Variants in ACSS3 observed in about 807,000 individuals in gnomAD.
ACSS3 encodes the protein acyl-CoA synthetase short chain family member 3, also known as acyl-CoA synthetase short-chain family member 3, mitochondrial.
In ACSS3, 64 loss-of-function variants were observed where a neutral mutation model predicts 84.2. The ratio of observed to expected loss-of-function variants is 0.76; its 90% CI spans 0.62 to 0.94. ACSS3 has a LOEUF of 0.94. ACSS3 is among the 40% of genes least tolerant of loss of function. The pLI is 0.00. For synonymous variants in ACSS3, 317 were observed against 310.1 expected (o/e 1.02, Z -0.23); for missense variants, 815 against 867.6 (o/e 0.94, Z 0.76).
intron 9 of ACSS3, among the ~76,000 whole-genome samples, chr12:81,209,134 T>C (rs1882180): frequency 6.6e-6 from 1 of 151,754 alleles, no homozygotes; most frequent in Non-Finnish European, 1.5e-5. Flanking sequence ...ATCTTTATCA[T>C]GGGAGCCTAA....
At position 81,256,920 on chromosome 12, in the gene ACSS3, C is replaced by T. The variant is rs898982512; in HGVS notation, c.*1998C>T. 3 of 152,096 alleles carry T rather than the reference C, an allele frequency of 2.0e-5. No homozygotes were observed. The highest frequency in any genetic ancestry group is 1.5e-5 in the Non-Finnish European group (1 of 68,030). 9.4% of individuals were successfully genotyped at this position (152,096 alleles called of 1,614,324 possible). On this transcript the variant is annotated 3_prime_UTR_variant, in exon 16 of 16. Coordinates refer to ENST00000548058, the MANE Select transcript of ACSS3 (RefSeq NM_024560.4). ...CCTTGAGTTGCCTCTTTCATTGGTA[C>T]GTTTTATCCATTGTCACAACTGTGG...
intron 7 of ACSS3, among the ~76,000 whole-genome samples, chr12:81,170,097 A>G (rs2029923670): frequency 6.6e-6 from 1 of 152,152 alleles, no homozygotes; most frequent in Non-Finnish European, 1.5e-5. Flanking sequence ...AAGAAATGGA[A>G]TCATAGGATT....
intron 8 of ACSS3, among the ~76,000 whole-genome samples, chr12:81,192,337 G>A: frequency 6.6e-6 from 1 of 152,180 alleles, no homozygotes; most frequent in East Asian, 1.9e-4. Context: ...CCGAGACCGT[G>A]CTCTTGCACT....
intron 7 of ACSS3, among the ~76,000 whole-genome samples, chr12:81,169,149 G>A (rs926076701): frequency 9.2e-5 from 14 of 152,150 alleles, no homozygotes; most frequent in African/African-American, 3.4e-4. Context: ...TTAGATGGTG[G>A]TGTGAATAAG....
intron 8 of ACSS3, among the ~76,000 whole-genome samples, chr12:81,177,874 A>G (rs983306353): frequency 6.6e-6 from 1 of 152,198 alleles, no homozygotes; most frequent in African/African-American, 2.4e-5. Context: ...TGGGACTGTA[A>G]ACTAGTTCAA....
intron 7 of ACSS3, among the ~76,000 whole-genome samples, chr12:81,152,443 T>C (rs530622331): frequency 5.5e-4 from 84 of 152,286 alleles, no homozygotes; most frequent in Non-Finnish European, 9.7e-4. Context: ...CTTTTTTATT[T>C]TCATAGGATT....
intron 2 of ACSS3, among the ~76,000 whole-genome samples, chr12:81,115,166 A>G (rs1050432417): frequency 5.3e-5 from 8 of 152,176 alleles, no homozygotes; most frequent in African/African-American, 1.2e-4. Context: ...GACAATATTT[A>G]TGCATTTGTG....
intron 15 of ACSS3, among the ~76,000 whole-genome samples, chr12:81,254,474 C>G (rs2136022591): frequency 6.6e-6 from 1 of 152,066 alleles, no homozygotes; most frequent in Non-Finnish European, 1.5e-5. Flanking sequence ...TTTGTGTGTA[C>G]ATTATGTGTG....
At chr12:81,101,111 T>G (rs963052230) in intron 1 of ACSS3, among the ~76,000 whole-genome samples, 1 of 152,130 alleles carries the variant, frequency 6.6e-6, no homozygotes, top group Non-Finnish European at 1.5e-5. Flanking sequence ...GAAGCAAAAT[T>G]TTTATGGCCC....
intron 8 of ACSS3, 127 bp from the exon 9 acceptor site, chr12:81,199,214 A>G (rs1349924687): frequency 2.7e-6 from 2 of 739,660 alleles, no homozygotes; most frequent in East Asian, 2.7e-5. Flanking sequence ...ATACAGTGTG[A>G]TGTATTGGTT....
chr12:81,120,221 CT>C (rs1884461876), intron 2 of ACSS3, among the ~76,000 whole-genome samples: 1 of 151,930 alleles, frequency 6.6e-6, no homozygotes, highest in Non-Finnish European at 1.5e-5. Context: ...GGCTTAAGTT[CT>C]AGGACAACAA....
chr12:81,215,457 A>C (rs1307904446), intron 9 of ACSS3, among the ~76,000 whole-genome samples: 1 of 152,172 alleles, frequency 6.6e-6, no homozygotes, highest in Non-Finnish European at 1.5e-5. Context: ...GTGAATAATA[A>C]AATGAACTAC....
At chr12:81,203,165 G>T (rs1306627646) in intron 9 of ACSS3, among the ~76,000 whole-genome samples, 1 of 152,148 alleles carries the variant, frequency 6.6e-6, no homozygotes, top group African/African-American at 2.4e-5. Flanking sequence ...AGATGGGGGA[G>T]CCTGGAGTTG....
upstream of ACSS3, chr12:81,078,004 TG>T: frequency 8.2e-7 from 1 of 1,226,670 alleles, no homozygotes; most frequent in Non-Finnish European, 1.1e-6. Flanking sequence ...TCCAAACTTC[TG>T]GGCTCTGGGC....
At chr12:81,180,727 G>A (rs947568694) in intron 8 of ACSS3, among the ~76,000 whole-genome samples, 1 of 152,092 alleles carries the variant, frequency 6.6e-6, no homozygotes, top group African/African-American at 2.4e-5. Flanking sequence ...TGTTGGCCAG[G>A]CTGGTCTCAA....
intron 11 of ACSS3, among the ~76,000 whole-genome samples, chr12:81,226,593 C>G (rs1175563213): frequency 6.6e-6 from 1 of 151,790 alleles, no homozygotes; most frequent in Non-Finnish European, 1.5e-5. Context: ...TATTTGTCAC[C>G]TCTCTACTTC....
chr12:81,156,242 TA>T, intron 7 of ACSS3, among the ~76,000 whole-genome samples: 1 of 151,084 alleles, frequency 6.6e-6, no homozygotes, highest in South Asian at 2.1e-4. Context: ...TCTCTGGGTG[TA>T]TATATCTCAA....
intron 1 of ACSS3, among the ~76,000 whole-genome samples, chr12:81,098,372 A>G (rs187172987): frequency 1.3e-5 from 2 of 152,132 alleles, no homozygotes; most frequent in East Asian, 3.9e-4. Flanking sequence ...TTACTATTAG[A>G]AGTGTTTTGG....
intron 13 of ACSS3, among the ~76,000 whole-genome samples, chr12:81,236,049 C>T (rs1456164843): frequency 6.6e-6 from 1 of 151,382 alleles, no homozygotes; most frequent in African/African-American, 2.4e-5. Flanking sequence ...TGTCTTGATC[C>T]TGATCTTAGG....
Sources: gnomAD v4.1 joint callset for allele counts (sites outside exome capture counted in the v4.1 genomes callset) on GRCh38, gnomAD v4.1.1 for gene constraint, MANE v1.5 for transcripts, NCBI Gene and HGNC (gene_info 2026-07-23, HGNC 2026-07-21) for gene names.